Variants in NREP observed in about 807,000 individuals in gnomAD.
The protein encoded by NREP is neuronal regeneration related protein, also known as neuronal regeneration-related protein.
Under a neutral mutation model 8.6 loss-of-function variants are expected in NREP, and 5 were observed. The observed-to-expected ratio is 0.58, with a 90% CI of 0.30 to 1.22. The LOEUF is 1.22. Among genes scored for constraint, NREP ranks in the 50% most tolerant of loss-of-function variants. The pLI, the probability that NREP is intolerant of heterozygous loss-of-function variation, is 0.07. For missense variants in NREP, 86 were observed against 82.5 expected, an observed-to-expected ratio of 1.04 and a Z score of -0.17; for synonymous variants, 27 against 28.0, an observed-to-expected ratio of 0.96 and a Z score of 0.11.
In NREP at chr5:111,822,598, T is replaced by G. The variant is rs201628296; in HGVS notation, c.136-87091A>C. Among the ~76,000 whole-genome samples the G allele has an allele frequency of 6.2e-3, 938 of 152,342 alleles. 5 individuals are homozygous for G. Among genetic ancestry groups the G allele is most frequent in the African/African-American group, 0.022 (895 of 41,580 alleles). On this transcript the variant is annotated intron_variant, in intron 2 of 3. Coordinates refer to the NREP transcript ENST00000395634. Reference sequence around the variant, plus strand: ...CTGATTTGCCCTTACTGTAGCTGCCTGCATAAATCCAAAGTGAATACGCTC... The same window carrying G: ...CTGATTTGCCCTTACTGTAGCTGCCGGCATAAATCCAAAGTGAATACGCTC...
At chr5:111,867,786 T>C (rs1002405870) in intron 2 of NREP, among the ~76,000 whole-genome samples, 1 of 152,134 alleles carries the variant, frequency 6.6e-6, no homozygotes, top group Non-Finnish European at 1.5e-5. Flanking sequence ...GTACACATCC[T>C]AGCCCTATGA....
At chr5:111,800,578 A>G (rs934630292) in intron 2 of NREP, among the ~76,000 whole-genome samples, 9 of 152,238 alleles carry the variant, frequency 5.9e-5, no homozygotes, top group Non-Finnish European at 1.3e-4. Context: ...TGTGTGGAAC[A>G]TTCATGAAGC....
chr5:111,938,652 T>C (rs1485398203), intron 2 of NREP, among the ~76,000 whole-genome samples: 2 of 152,056 alleles, frequency 1.3e-5, no homozygotes, highest in African/African-American at 4.8e-5. Context: ...AATATCATGT[T>C]GGGGATAATA....
At chr5:111,757,633 CCCGCGCCCCGGGCGCCCCGCTCG>C (rs1424537113), upstream of NREP, 26 of 983,178 alleles carry the variant, frequency 2.6e-5, no homozygotes, top group African/African-American at 1.4e-4. Flanking sequence ...ACACCCCGCA[CCCGCGCCCCGGGCGCCCCGCTCG>C]CCGCGCCGTC....
At chr5:111,877,196 C>T (rs1248782678) in intron 2 of NREP, among the ~76,000 whole-genome samples, 1 of 152,164 alleles carries the variant, frequency 6.6e-6, no homozygotes, top group East Asian at 1.9e-4. Context: ...CTATTTCCCA[C>T]ATATCTCTCA....
intron 2 of NREP, among the ~76,000 whole-genome samples, chr5:111,894,080 A>G (rs954485204): frequency 4.6e-5 from 7 of 152,002 alleles, no homozygotes; most frequent in Middle Eastern, 3.2e-3. Flanking sequence ...TTAGCCAGGC[A>G]TGGTGGCAGG....
At chr5:111,945,685 C>T (rs1755958411) in intron 2 of NREP, among the ~76,000 whole-genome samples, 1 of 151,856 alleles carries the variant, frequency 6.6e-6, no homozygotes, top group Non-Finnish European at 1.5e-5. Flanking sequence ...AATGTAAGAA[C>T]TGAATCTGGC....
intron 2 of NREP, among the ~76,000 whole-genome samples, chr5:111,802,846 G>C (rs1350412845): frequency 6.6e-6 from 1 of 152,168 alleles, no homozygotes; most frequent in African/African-American, 2.4e-5. Flanking sequence ...GGTTGCAAGG[G>C]ACTATGAGCT....
intron 2 of NREP, among the ~76,000 whole-genome samples, chr5:111,820,809 A>G (rs1358462574): frequency 6.6e-6 from 1 of 151,832 alleles, no homozygotes; most frequent in East Asian, 1.9e-4. Context: ...GTTGTCAGTG[A>G]TTGAAGTGGA....
chr5:111,750,023 C>T (rs1482308559), intron 2 of NREP, among the ~76,000 whole-genome samples: 3 of 152,152 alleles, frequency 2.0e-5, no homozygotes, highest in Non-Finnish European at 4.4e-5. Flanking sequence ...GGTTGGTAAC[C>T]TGAGTGAGAG....
At chr5:111,871,864 T>A (rs1314826459) in intron 2 of NREP, among the ~76,000 whole-genome samples, 1 of 141,366 alleles carries the variant, frequency 7.1e-6, no homozygotes, top group African/African-American at 2.5e-5. Context: ...ATATATATAT[T>A]TATATATATA....
chr5:111,757,297 G>T, upstream of NREP: 1 of 643,060 alleles, frequency 1.6e-6, no homozygotes, highest in Non-Finnish European at 1.9e-6. Flanking sequence ...AGGGAGGAGG[G>T]GGAAGGGAAA....
Position 111,880,908 on chromosome 5 carries a change from G to A in NREP, c.135+94366C>T, listed in dbSNP as rs181399930. ...TCCCAGCGTGAGCAACGCAGAAGACGGGTGATTTCTGCATTTCCATCTGAG... is the reference window on the plus strand; with the variant it reads ...TCCCAGCGTGAGCAACGCAGAAGACAGGTGATTTCTGCATTTCCATCTGAG... On this transcript the variant is annotated intron_variant, in intron 2 of 3. Transcript: ENST00000395634. Among the ~76,000 whole-genome samples the A allele has an allele frequency of 6.6e-3, 1,005 of 152,158 alleles. 17 individuals carry two copies. The highest frequency in any genetic ancestry group is 0.023 in the African/African-American group (954 of 41,484).
intron 2 of NREP, among the ~76,000 whole-genome samples, chr5:111,831,166 T>C (rs999036386): frequency 6.6e-6 from 1 of 152,192 alleles, no homozygotes; most frequent in Non-Finnish European, 1.5e-5. Flanking sequence ...AGCTTCCATC[T>C]GGAAGCGCAT....
intron 2 of NREP, among the ~76,000 whole-genome samples, chr5:111,881,602 T>A (rs1013585888): frequency 6.6e-6 from 1 of 152,048 alleles, no homozygotes; most frequent in South Asian, 2.1e-4. Context: ...GACTGACACC[T>A]CACACGACCG....
At chr5:111,861,329 C>T (rs1462741817) in intron 2 of NREP, among the ~76,000 whole-genome samples, 1 of 152,046 alleles carries the variant, frequency 6.6e-6, no homozygotes, top group Non-Finnish European at 1.5e-5. Context: ...ATGCTTGGGC[C>T]AGAGAGGCAT....
intron 2 of NREP, among the ~76,000 whole-genome samples, chr5:111,892,360 A>G (rs1754414367): frequency 6.6e-6 from 1 of 152,136 alleles, no homozygotes; most frequent in Non-Finnish European, 1.5e-5. Context: ...AAAACATTAA[A>G]TGGAAAATGG....
At chr5:111,754,188 G>A (rs1040065985) in intron 2 of NREP, among the ~76,000 whole-genome samples, 1 of 152,262 alleles carries the variant, frequency 6.6e-6, no homozygotes, top group African/African-American at 2.4e-5. Flanking sequence ...AAATTAACAC[G>A]TAATAATAAT....
chr5:111,880,130 T>A (rs1227980245), intron 2 of NREP, among the ~76,000 whole-genome samples: 1 of 152,214 alleles, frequency 6.6e-6, no homozygotes, highest in East Asian at 1.9e-4. Flanking sequence ...AATTTCATCA[T>A]CTACCATTTA....
Sources: gnomAD v4.1 joint callset for allele counts (sites outside exome capture counted in the v4.1 genomes callset) on GRCh38, gnomAD v4.1.1 for gene constraint, MANE v1.5 for transcripts, NCBI Gene and HGNC (gene_info 2026-07-23, HGNC 2026-07-21) for gene names.